Variants in LMNA observed in about 807,000 individuals in gnomAD.
The protein encoded by LMNA is lamin.
LMNA carries 20 observed loss-of-function variants against 70.4 expected under a neutral mutation model. The observed-to-expected ratio is 0.28, with a 90% CI of 0.20 to 0.41. LMNA has a LOEUF of 0.41. LMNA is among the 10% of genes least tolerant of loss of function. The pLI is 1.00. For missense variants in LMNA, 652 were observed against 917.2 expected, an observed-to-expected ratio of 0.71 and a Z score of 3.73; for synonymous variants, 339 against 372.8, an observed-to-expected ratio of 0.91 and a Z score of 1.04.
Position 156,126,056 on chromosome 1 carries a change from G to T in LMNA, c.357-4561G>T, listed in dbSNP as rs189079159. ...TAAATTAAAATTAAACAAATTAGATGCCCAGGAGGATACAGGAGAGCATTT... is the reference window on the plus strand; with the variant it reads ...TAAATTAAAATTAAACAAATTAGATTCCCAGGAGGATACAGGAGAGCATTT... On this transcript the variant is annotated intron_variant, in intron 1 of 11. Coordinates refer to ENST00000368300, the MANE Select transcript of LMNA (RefSeq NM_170707.4). 742 of 484,658 alleles carry T rather than the reference G, an allele frequency of 1.5e-3. 4 individuals carry two copies. Among genetic ancestry groups the T allele is most frequent in the Middle Eastern group, 3.9e-3 (8 of 2,050 alleles). The allele number at this position is 484,658 out of a possible 1,614,324, so 30.0% of individuals were successfully genotyped here.
Position 156,135,443 on chromosome 1 carries a change from C to A in LMNA, c.936+131C>A. The A allele has an allele frequency of 8.2e-7, 1 of 1,218,840 alleles. No homozygotes were observed. The highest frequency in any genetic ancestry group is 1.5e-5 in the African/African-American group (1 of 66,652). The allele number at this position is 1,218,840 out of a possible 1,614,324, so 75.5% of individuals were successfully genotyped here. On this transcript the variant is annotated intron_variant, in intron 5 of 11. Coordinates refer to ENST00000368300, the MANE Select transcript of LMNA (RefSeq NM_170707.4). The surrounding 1 kb of genome is among the most constrained non-coding windows in gnomAD (Gnocchi z 4.8). ...AGGAGAGGGATGAAAAGTGTCCCCA[C>A]AACCACAGAGAAGGGTCGCAGGATG...
Position 156,138,902 on chromosome 1 carries a change from C to T in LMNA, c.1968+145C>T. The stretch of plus-strand genomic sequence containing the variant: ...GGAGCCTCCTCCCCACAGCCTGAGT[C>T]CTAGACAGCCCACCTCTGCATCCTG... On this transcript the variant is annotated intron_variant, in intron 11 of 11. Coordinates refer to ENST00000368300, the MANE Select transcript of LMNA (RefSeq NM_170707.4). This position sits in a 1 kb window ranked among gnomAD's most constrained non-coding sequence, Gnocchi z 5.5. The T allele has an allele frequency of 7.6e-7, 1 of 1,307,286 alleles. No individual in the cohort carries two copies. The highest frequency in any genetic ancestry group is 1.2e-5 in the South Asian group (1 of 81,502). 81.0% of individuals were successfully genotyped at this position (1,307,286 alleles called of 1,614,324 possible).
chr1:156,125,003 G>C (rs1379570331), intron 1 of LMNA, among the ~76,000 whole-genome samples: 1 of 152,142 alleles, frequency 6.6e-6, no homozygotes, highest in Non-Finnish European at 1.5e-5. Flanking sequence ...CAGGTGACCT[G>C]GGGGCAGGTT....
chr1:156,085,413 T>A (rs2102784462), intron 2 of LMNA, among the ~76,000 whole-genome samples: 1 of 152,298 alleles, frequency 6.6e-6, no homozygotes, highest in Middle Eastern at 3.4e-3. Context: ...GATCCAGAAT[T>A]ATGGCAATGA....
chr1:156,113,559 G>A (rs1478964858), upstream of LMNA, among the ~76,000 whole-genome samples: 1 of 152,146 alleles, frequency 6.6e-6, no homozygotes, highest in African/African-American at 2.4e-5. Flanking sequence ...AAGTAGAGAT[G>A]AGTATGGTGC....
At chr1:156,105,914 C>T (rs1649317334) in intron 3 of LMNA, among the ~76,000 whole-genome samples, 1 of 151,768 alleles carries the variant, frequency 6.6e-6, no homozygotes, top group Non-Finnish European at 1.5e-5. Context: ...GCCAGGAGAC[C>T]GAGACCATCC....
At chr1:156,126,877 G>A (rs773592552) in intron 1 of LMNA, 16 of 1,611,356 alleles carry the variant, frequency 9.9e-6, no homozygotes, top group Middle Eastern at 3.3e-4. Flanking sequence ...CACAGCACCC[G>A]GCCTGGGGCA....
intron 3 of LMNA, among the ~76,000 whole-genome samples, chr1:156,096,096 C>T (rs1283546412): frequency 2.0e-5 from 3 of 152,162 alleles, no homozygotes; most frequent in East Asian, 1.9e-4. Context: ...CAACACATGC[C>T]TCCTTTCCCT....
At chr1:156,093,299 A>ATTTT (rs758670532) in intron 3 of LMNA, among the ~76,000 whole-genome samples, 2 of 113,946 alleles carry the variant, frequency 1.8e-5, no homozygotes, top group African/African-American at 3.9e-5. Flanking sequence ...TTATATGTCA[A>ATTTT]TTTTTTTTTT....
At chr1:156,121,695 G>A (rs1170123126) in intron 1 of LMNA, among the ~76,000 whole-genome samples, 1 of 144,318 alleles carries the variant, frequency 6.9e-6, no homozygotes, top group Non-Finnish European at 1.5e-5. Context: ...CCAGCCCCTC[G>A]CCACCCCTAG....
chr1:156,124,405 C>T (rs1291672690), intron 1 of LMNA, among the ~76,000 whole-genome samples: 2 of 152,134 alleles, frequency 1.3e-5, no homozygotes, highest in Non-Finnish European at 2.9e-5. Context: ...TCTCCTGCCT[C>T]AGCCTCCCAA....
intron 2 of LMNA, among the ~76,000 whole-genome samples, chr1:156,084,799 C>T (rs1022478201): frequency 2.0e-5 from 3 of 152,212 alleles, no homozygotes; most frequent in Non-Finnish European, 2.9e-5. Flanking sequence ...AAATGAGATT[C>T]CCCCCAGACT....
chr1:156,127,513 T>C, intron 1 of LMNA, among the ~76,000 whole-genome samples: 1 of 104,598 alleles, frequency 9.6e-6, no homozygotes, highest in South Asian at 3.3e-4. Flanking sequence ...CTTACTGTTT[T>C]TTTTTTTTTT....
At chr1:156,096,091 C>T (rs1648927145) in intron 3 of LMNA, among the ~76,000 whole-genome samples, 1 of 152,234 alleles carries the variant, frequency 6.6e-6, no homozygotes, top group African/African-American at 2.4e-5. Flanking sequence ...TGACCCAACA[C>T]ATGCCTCCTT....
At chr1:156,107,449 C>G (rs1649392430) in intron 3 of LMNA, among the ~76,000 whole-genome samples, 1 of 152,224 alleles carries the variant, frequency 6.6e-6, no homozygotes, top group Non-Finnish European at 1.5e-5. Context: ...CTTTCCTCCT[C>G]TGGCCTCAGA....
intron 2 of LMNA, among the ~76,000 whole-genome samples, chr1:156,133,799 A>G (rs1000860236): frequency 6.6e-6 from 1 of 152,138 alleles, no homozygotes; most frequent in East Asian, 1.9e-4. Flanking sequence ...GTGCCTGTAC[A>G]TGCTTGTTTC....
Position 156,134,345 on chromosome 1 carries a change from C to T in LMNA, c.514-58C>T. On this transcript the variant is annotated intron_variant, in intron 2 of 11. Coordinates refer to ENST00000368300, the MANE Select transcript of LMNA (RefSeq NM_170707.4). This position sits in a 1 kb window ranked among gnomAD's most constrained non-coding sequence, Gnocchi z 5.3. ...CAGGCAGCAGCCCACCTCTCAGCTTCCTTCCAGTTCTTGTGTTCTGTGACC... is the reference window on the plus strand; with the variant it reads ...CAGGCAGCAGCCCACCTCTCAGCTTTCTTCCAGTTCTTGTGTTCTGTGACC... The T allele has an allele frequency of 6.2e-7, 1 of 1,601,698 alleles. No homozygotes were observed. The highest frequency in any genetic ancestry group is 2.2e-5 in the East Asian group (1 of 44,580).
At chr1:156,082,841 G>GGGGAGCC (rs1648315073) in intron 1 of LMNA, 1 of 152,232 alleles carries the variant, frequency 6.6e-6, no homozygotes, top group South Asian at 2.1e-4. Context: ...GGCCGGGGGC[G>GGGGAGCC]GGGAGCCGGG....
upstream of LMNA, among the ~76,000 whole-genome samples, chr1:156,111,351 A>C (rs989459938): frequency 3.9e-5 from 6 of 151,978 alleles, no homozygotes; most frequent in Admixed American, 3.9e-4. Flanking sequence ...CAGGAGGCTA[A>C]GGCAGGAGAA....
Sources: allele counts gnomAD v4.1 joint callset (sites outside exome capture counted in the v4.1 genomes callset), GRCh38; gene constraint gnomAD v4.1.1; non-coding constraint Gnocchi (gnomAD v3.1); transcripts MANE v1.5; gene names NCBI Gene and HGNC (gene_info 2026-07-23, HGNC 2026-07-21).